The following CYP2C19 variants were observed in gnomAD, a reference collection of about 807,000 sequenced individuals.
CYP2C19 encodes cytochrome P450 2C19.
A neutral mutation model predicts 40.9 loss-of-function variants in CYP2C19; 59 were observed. That is an observed-to-expected ratio of 1.44 (90% CI 1.17 to 1.79). The LOEUF is 1.79. CYP2C19 is among the 40% of genes most tolerant of loss of function. CYP2C19 has a pLI of 0.00. For synonymous variants in CYP2C19, 253 were observed against 208.7 expected, an observed-to-expected ratio of 1.21 and a Z score of -1.83; for missense variants, 754 against 596.9, an observed-to-expected ratio of 1.26 and a Z score of -2.74.
intron 6 of CYP2C19, among the ~76,000 whole-genome samples, chr10:94,838,461 G>C (rs951225118): frequency 6.6e-6 from 1 of 152,114 alleles, no homozygotes; most frequent in East Asian, 1.9e-4. Flanking sequence ...TAGCCATCAG[G>C]GTTATCTGAT....
At chr10:94,823,952 T>C (rs1849170175) in intron 6 of CYP2C19, among the ~76,000 whole-genome samples, 1 of 152,142 alleles carries the variant, frequency 6.6e-6, no homozygotes, top group Admixed American at 6.6e-5. Context: ...TGGTGGATAA[T>C]TCAGAAGTGA....
chr10:94,770,842 G>C (rs1378333266), intron 1 of CYP2C19, among the ~76,000 whole-genome samples: 1 of 152,134 alleles, frequency 6.6e-6, no homozygotes. Context: ...CCCATGATCT[G>C]AGTCGAGGTC....
intron 5 of CYP2C19, among the ~76,000 whole-genome samples, chr10:94,818,960 C>A (rs1383960543): frequency 6.6e-6 from 1 of 151,836 alleles, no homozygotes; most frequent in South Asian, 2.1e-4. Context: ...CACACCACAC[C>A]TATTCCAAAA....
At chr10:94,811,692 A>T (rs973653551) in intron 5 of CYP2C19, among the ~76,000 whole-genome samples, 3 of 151,946 alleles carry the variant, frequency 2.0e-5, no homozygotes, top group Non-Finnish European at 4.4e-5. Context: ...AGAGACTAGG[A>T]TTGCAACCCC....
chr10:94,801,308 G>A (rs990264569), intron 5 of CYP2C19, among the ~76,000 whole-genome samples: 9 of 152,098 alleles, frequency 5.9e-5, no homozygotes, highest in Admixed American at 5.2e-4. Flanking sequence ...GTTCTCATTG[G>A]TTTCAAAGAA....
At chr10:94,789,155 G>A (rs1006721603) in intron 5 of CYP2C19, among the ~76,000 whole-genome samples, 16 of 151,500 alleles carry the variant, frequency 1.1e-4, no homozygotes, top group Admixed American at 6.6e-5. Flanking sequence ...TTTTGAGAAG[G>A]GTCTGTTGAT....
rs187840370 is a variant in CYP2C19 at position 94,853,315 on chromosome 10, A to G, written c.*401A>G. 2.5e-6 allele frequency: 1 copy of G among 393,592 alleles called. No individual in the cohort carries two copies. Among genetic ancestry groups the G allele is most frequent in the East Asian group, 9.5e-5 (1 of 10,528 alleles). The allele number at this position is 393,592 out of a possible 1,614,324, so 24.4% of individuals were successfully genotyped here. ...GCATAATGCAGGTGACAAATTAAAG[A>G]AAATAGAGTTCCAGGAGGCCATGCT... On this transcript the variant is annotated 3_prime_UTR_variant, in exon 9 of 9. Coordinates refer to ENST00000371321, the MANE Select transcript of CYP2C19 (RefSeq NM_000769.4).
At position 94,775,136 on chromosome 10, in the gene CYP2C19, G is replaced by T; in HGVS notation, c.247G>T (p.Val83Leu). 1 of 1,614,120 alleles carries T rather than the reference G, an allele frequency of 6.2e-7. No individual in the cohort carries two copies. The highest frequency in any genetic ancestry group is 1.7e-5 in the Admixed American group (1 of 60,028). Reference protein sequence around the residue: ...RMVVLHGYEVVKEALIDLGEE... With the variant: ...RMVVLHGYEVLKEALIDLGEE... The stretch of plus-strand genomic sequence containing the variant: ...GGTGGTGCTGCATGGATATGAAGTG[G>T]TGAAGGAAGCCCTGATTGATCTTGG... Residue 83 changes from valine (V) to leucine (L), a missense_variant, in exon 2 of 9, where the codon GTG becomes TTG. Coordinates refer to ENST00000371321, the MANE Select transcript of CYP2C19 (RefSeq NM_000769.4).
Position 94,850,519 on chromosome 10 carries a change from A to G in CYP2C19, c.1291+461A>G, listed in dbSNP as rs1420475309. 8.5e-5 allele frequency among the ~76,000 whole-genome samples: 13 copies of G among 152,334 alleles called. No homozygotes were observed. The South Asian group carries it at 1.4e-3, about 17-fold the overall frequency. The stretch of plus-strand genomic sequence containing the variant: ...AAGAGGCTCACTTCTGTGTTTGGAA[A>G]GCAGAGTAAACAGATCATTGTAGTT... On this transcript the variant is annotated intron_variant, in intron 8 of 8. Transcript: ENST00000371321.
At chr10:94,831,051 G>A (rs745710442) in intron 6 of CYP2C19, among the ~76,000 whole-genome samples, 24 of 151,992 alleles carry the variant, frequency 1.6e-4, no homozygotes, top group Admixed American at 3.9e-4. Context: ...GTATCTGGTA[G>A]CCATCCTTCT....
In CYP2C19 at chr10:94,850,007, G is replaced by T. The variant is rs1849628801; in HGVS notation, c.1240G>T (p.Asp414Tyr). ...PEMFDPRHFL[D>Y]EGGNFKKSNY... ...GATGTTTGACCCTCGTCACTTTCTG[G>T]ATGAAGGTGGAAATTTTAAGAAAAG... Residue 414 changes from aspartate to tyrosine, a missense_variant, in exon 8 of 9, where the codon GAT becomes TAT. Coordinates refer to ENST00000371321, the MANE Select transcript of CYP2C19 (RefSeq NM_000769.4). 1 of 1,613,670 alleles carries T rather than the reference G, an allele frequency of 6.2e-7. No individual in the cohort carries two copies. The highest frequency in any genetic ancestry group is 8.5e-7 in the Non-Finnish European group (1 of 1,179,746).
intron 6 of CYP2C19, among the ~76,000 whole-genome samples, chr10:94,828,952 G>C (rs903142651): frequency 2.6e-5 from 4 of 151,836 alleles, no homozygotes; most frequent in African/African-American, 9.7e-5. Context: ...TGAAATTCTG[G>C]GTTGAAAATT....
chr10:94,788,321 C>T (rs1365679488), intron 5 of CYP2C19, among the ~76,000 whole-genome samples: 7 of 152,130 alleles, frequency 4.6e-5, no homozygotes, highest in Non-Finnish European at 5.9e-5. Context: ...TCTTCTAGGT[C>T]TGAGATGGAG....
In CYP2C19 at chr10:94,853,369, A is replaced by G. The variant is rs1433703713; in HGVS notation, c.*455A>G. The stretch of plus-strand genomic sequence containing the variant: ...TCTCAAAACGATAAGGACAGAAAGG[A>G]CAAAGGTGAAGATGGTAGGGAAGCT... On this transcript the variant is annotated 3_prime_UTR_variant, in exon 9 of 9. Coordinates refer to ENST00000371321, the MANE Select transcript of CYP2C19 (RefSeq NM_000769.4). Among the ~76,000 whole-genome samples the G allele has an allele frequency of 6.6e-6, 1 of 152,180 alleles. No homozygotes were observed. The highest frequency in any genetic ancestry group is 1.5e-5 in the Non-Finnish European group (1 of 68,036).
chr10:94,769,156 T>C (rs1445442751), intron 1 of CYP2C19, among the ~76,000 whole-genome samples: 2 of 151,986 alleles, frequency 1.3e-5, no homozygotes, highest in Non-Finnish European at 1.5e-5. Flanking sequence ...AGCTGGGCCT[T>C]TGACCTAGAC....
intron 5 of CYP2C19, among the ~76,000 whole-genome samples, chr10:94,802,442 C>A (rs1026603896): frequency 6.6e-6 from 1 of 152,078 alleles, no homozygotes; most frequent in African/African-American, 2.4e-5. Context: ...CTTGGTAAAT[C>A]TTCCTCCATC....
chr10:94,849,830 C>A, intron 7 of CYP2C19, 87 bp from the exon 8 acceptor site: 1 of 1,510,678 alleles, frequency 6.6e-7, no homozygotes, highest in South Asian at 1.1e-5. Context: ...ATCTGTACAT[C>A]AAAAGATTTA....
At chr10:94,819,081 A>G (rs1362907773) in intron 5 of CYP2C19, among the ~76,000 whole-genome samples, 1 of 150,882 alleles carries the variant, frequency 6.6e-6, no homozygotes, top group East Asian at 2.0e-4. Flanking sequence ...CAGGATTAAG[A>G]ATCTCACTCA....
chr10:94,848,704 T>C (rs529011897), intron 7 of CYP2C19, among the ~76,000 whole-genome samples: 5 of 152,118 alleles, frequency 3.3e-5, no homozygotes, highest in East Asian at 1.9e-4. Flanking sequence ...TCTTCCTACC[T>C]ATGAGCATGG....
Sources: gnomAD v4.1 joint callset for allele counts (sites outside exome capture counted in the v4.1 genomes callset) on GRCh38, gnomAD v4.1.1 for gene constraint, MANE v1.5 for transcripts, NCBI Gene and HGNC (gene_info 2026-07-23, HGNC 2026-07-21) for gene names.